ILDR2: variants seen among roughly 807,000 people sequenced by gnomAD.
ILDR2 encodes immunoglobulin-like domain-containing receptor 2.
ILDR2 carries 25 observed loss-of-function variants against 66.8 expected under a neutral mutation model. The ratio of observed to expected loss-of-function variants is 0.37; its 90% CI spans 0.27 to 0.52. The LOEUF (loss-of-function observed/expected upper bound fraction) is 0.52, where lower values mean the gene tolerates loss of function less well. Among genes scored for constraint, ILDR2 ranks in the 20% least tolerant of loss-of-function variants. The pLI is 0.88. For missense variants in ILDR2, 827 were observed against 876.8 expected (o/e 0.94, Z 0.72); for synonymous variants, 367 against 357.2 (o/e 1.03, Z -0.31).
chr1:166,903,981 A>G (rs1030102464), downstream of ILDR2, among the ~76,000 whole-genome samples: 4 of 152,130 alleles, frequency 2.6e-5, no homozygotes, highest in Non-Finnish European at 5.9e-5. Context: ...GTTATTTTCA[A>G]CACTGATCCT....
chr1:166,928,096 G>A (rs1374954970), intron 6 of ILDR2, among the ~76,000 whole-genome samples: 5 of 152,264 alleles, frequency 3.3e-5, no homozygotes, highest in Non-Finnish European at 4.4e-5. Flanking sequence ...AGAGAGAAGG[G>A]AATGATGGGA....
At chr1:166,973,838 G>A (rs1663453024) in intron 1 of ILDR2, among the ~76,000 whole-genome samples, 3 of 152,114 alleles carry the variant, frequency 2.0e-5, no homozygotes, top group African/African-American at 4.8e-5. Flanking sequence ...TGGGAGGGAT[G>A]AACTCAAAGC....
rs2101843823 is a variant in ILDR2, at chr1:166,918,840, T to A, written c.*515A>T. On this transcript the variant is annotated 3_prime_UTR_variant, in exon 10 of 10. Coordinates refer to ENST00000271417, the MANE Select transcript of ILDR2 (RefSeq NM_199351.3). The stretch of plus-strand genomic sequence containing the variant: ...CCTTTTGATTTTAGTGTAACAACAG[T>A]CATTGACTAGTGACTGTAAAGTGAT... 6.2e-6 allele frequency: 1 copy of A among 162,568 alleles called. No individual in the cohort carries two copies. Among genetic ancestry groups the A allele is most frequent in the Non-Finnish European group, 1.3e-5 (1 of 74,966 alleles). The allele number at this position is 162,568 out of a possible 1,614,324, so 10.1% of individuals were successfully genotyped here.
downstream of ILDR2, among the ~76,000 whole-genome samples, chr1:166,905,822 T>C (rs1257249838): frequency 6.6e-6 from 1 of 152,218 alleles, no homozygotes; most frequent in African/African-American, 2.4e-5. Context: ...AGAGGGCCTC[T>C]GGTGTTTCTA....
chr1:166,935,655 G>A lies in ILDR2; in HGVS notation c.704-178C>T, dbSNP rs72707822. On this transcript the variant is annotated intron_variant, in intron 5 of 9. Transcript: ENST00000271417. Reference sequence around the variant, plus strand: ...CAGAATCACTCTCCCCCACTCCCTCGGACTCTCCAGCTCCACCAAACGGCA... The same window carrying A: ...CAGAATCACTCTCCCCCACTCCCTCAGACTCTCCAGCTCCACCAAACGGCA... Among the ~76,000 whole-genome samples, 1,236 of 152,160 alleles carry A rather than the reference G, an allele frequency of 8.1e-3. 9 individuals carry two copies. The highest frequency in any genetic ancestry group is 0.012 in the Admixed American group (190 of 15,280).
chr1:166,947,543 T>A (rs916146593), intron 3 of ILDR2, among the ~76,000 whole-genome samples: 2 of 152,228 alleles, frequency 1.3e-5, no homozygotes, highest in Non-Finnish European at 2.9e-5. Context: ...TAGCGGCAGC[T>A]GGCTTTGGAG....
At chr1:166,972,662 T>C (rs2102041066) in intron 1 of ILDR2, among the ~76,000 whole-genome samples, 1 of 151,994 alleles carries the variant, frequency 6.6e-6, no homozygotes, top group South Asian at 2.1e-4. Flanking sequence ...ACTGAAGTGC[T>C]GATTAGAAAT....
chr1:166,920,925 C>T lies in ILDR2; in HGVS notation c.1666G>A (p.Ala556Thr). The T allele has an allele frequency of 2.0e-6, 3 of 1,478,456 alleles. No individual in the cohort carries two copies. Among genetic ancestry groups the T allele is most frequent in the Non-Finnish European group, 1.8e-6 (2 of 1,122,156 alleles). 91.6% of individuals were successfully genotyped at this position (1,478,456 alleles called of 1,614,324 possible). ...GSLETPSKRS[A>T]QLGPRSASYY... ...GAGGCGCTGCGCGGGCCGAGCTGCG[C>T]GCTCCGCTTGGATGGCGTCTCCAGG... The change falls in exon 9 of 10, where the codon GCG becomes ACG. Residue 556 changes from alanine to threonine, a missense_variant. Around this residue, in one of 2 missense-constraint regions of ILDR2, gnomAD observed 390 missense variants for 353.6 expected, o/e 1.10. Coordinates refer to ENST00000271417, the MANE Select transcript of ILDR2 (RefSeq NM_199351.3).
At chr1:166,969,695 C>G (rs1663166706) in intron 1 of ILDR2, among the ~76,000 whole-genome samples, 1 of 152,214 alleles carries the variant, frequency 6.6e-6, no homozygotes, top group Non-Finnish European at 1.5e-5. Flanking sequence ...GAACTCTGTG[C>G]CTCAATATCC....
intron 1 of ILDR2, among the ~76,000 whole-genome samples, chr1:166,974,456 AG>A (rs1374987565): frequency 1.3e-5 from 2 of 152,208 alleles, no homozygotes; most frequent in East Asian, 3.8e-4. Context: ...ACCAAAAAGG[AG>A]GGGAGGGCAC....
At chr1:166,973,615 C>A (rs1477850014) in intron 1 of ILDR2, among the ~76,000 whole-genome samples, 1 of 85,084 alleles carries the variant, frequency 1.2e-5, no homozygotes, top group East Asian at 6.5e-4. Flanking sequence ...GGACCCCTCC[C>A]CCCCCCCCCC....
At chr1:166,944,849 C>A (rs755934395) in intron 3 of ILDR2, among the ~76,000 whole-genome samples, 1 of 152,136 alleles carries the variant, frequency 6.6e-6, no homozygotes. Flanking sequence ...GCAGTTATCT[C>A]GTGGCTGCAA....
intron 6 of ILDR2, among the ~76,000 whole-genome samples, chr1:166,929,434 A>C (rs1469668246): frequency 6.6e-6 from 1 of 152,214 alleles, no homozygotes; most frequent in African/African-American, 2.4e-5. Flanking sequence ...TAAATGTCTA[A>C]TCTTCTCAAA....
chr1:166,924,782 A>C (rs995027817), intron 7 of ILDR2, among the ~76,000 whole-genome samples: 1 of 152,184 alleles, frequency 6.6e-6, no homozygotes, highest in Non-Finnish European at 1.5e-5. Context: ...TGTGAGACCA[A>C]TGAGGGAGGA....
At chr1:166,970,050 A>G (rs1663191074) in intron 1 of ILDR2, among the ~76,000 whole-genome samples, 1 of 152,242 alleles carries the variant, frequency 6.6e-6, no homozygotes, top group South Asian at 2.1e-4. Context: ...AGAAGGCATA[A>G]GAGTAAAAAT....
rs559425243 is a variant in ILDR2, at chr1:166,960,058, A to C, written c.47-1957T>G. Among the ~76,000 whole-genome samples, 7 of 152,328 alleles carry C rather than the reference A, an allele frequency of 4.6e-5. No individual in the cohort carries two copies. In the South Asian group the frequency reaches 1.4e-3, roughly 32 times the overall value. On this transcript the variant is annotated intron_variant, in intron 1 of 9. Transcript: ENST00000271417. ...ATTTATGAATATGCCTCTTTACTGA[A>C]GGACCCTTGACAAGGGCAAGATACA...
chr1:166,940,532 C>T (rs1281263662), intron 3 of ILDR2, among the ~76,000 whole-genome samples: 4 of 152,158 alleles, frequency 2.6e-5, no homozygotes, highest in African/African-American at 7.2e-5. Context: ...CACCTAAACA[C>T]GCAACTAAAT....
chr1:166,898,514 G>C (rs942843555), intron 2 of ILDR2, among the ~76,000 whole-genome samples: 1 of 152,164 alleles, frequency 6.6e-6, no homozygotes, highest in African/African-American at 2.4e-5. Flanking sequence ...TGGATAACCA[G>C]GTGGCTCAAA....
rs1659751942 is a variant in ILDR2, at chr1:166,919,104, A to G, written c.*251T>C. The G allele has an allele frequency of 1.9e-6, 1 of 515,650 alleles. No homozygotes were observed. Among genetic ancestry groups the G allele is most frequent in the South Asian group, 3.3e-5 (1 of 30,432 alleles). 31.9% of individuals were successfully genotyped at this position (515,650 alleles called of 1,614,324 possible). A position where few individuals can be genotyped will look rare whatever the true frequency, so the allele number is the denominator to read the frequency against. On this transcript the variant is annotated 3_prime_UTR_variant, in exon 10 of 10. Coordinates refer to ENST00000271417, the MANE Select transcript of ILDR2 (RefSeq NM_199351.3). ...GGGCAGGATAAACGCTATAGTTGAG[A>G]AACTCTGTATGTAGGAATGTTCTCA...
Sources: gnomAD v4.1 joint callset for allele counts (sites outside exome capture counted in the v4.1 genomes callset) on GRCh38, gnomAD v4.1.1 for gene constraint, gnomAD v4.1.1 regional missense constraint, MANE v1.5 for transcripts, NCBI Gene and HGNC (gene_info 2026-07-23, HGNC 2026-07-21) for gene names.